Variants in ZPLD1 observed in about 807,000 individuals in gnomAD.
ZPLD1 encodes the protein zona pellucida like domain containing 1, also known as zona pellucida-like domain-containing protein 1.
In ZPLD1, 34 loss-of-function variants were observed where a neutral mutation model predicts 47.2. That is an observed-to-expected ratio of 0.72 (90% confidence interval 0.55 to 0.96). The LOEUF (loss-of-function observed/expected upper bound fraction) is 0.96. Among genes scored for constraint, ZPLD1 ranks in the 40% least tolerant of loss-of-function variants. ZPLD1 has a pLI of 0.00. For missense variants in ZPLD1, 512 were observed against 505.8 expected (o/e 1.01, Z -0.12); for synonymous variants, 176 against 186.2 (o/e 0.95, Z 0.45).
intron 3 of ZPLD1, among the ~76,000 whole-genome samples, chr3:102,451,193 T>A (rs1171205186): frequency 1.3e-5 from 2 of 152,188 alleles, no homozygotes; most frequent in Non-Finnish European, 2.9e-5. Flanking sequence ...AAACCCAGTA[T>A]GTATATAGAA....
chr3:102,425,240 G>A (rs546010229), intron 8 of ZPLD1, among the ~76,000 whole-genome samples: 55 of 152,058 alleles, frequency 3.6e-4, no homozygotes, highest in Non-Finnish European at 7.5e-4. Flanking sequence ...ATTTCTGGGT[G>A]ACATCTTTTG....
intron 8 of ZPLD1, among the ~76,000 whole-genome samples, 200 bp downstream of exon 8, chr3:102,464,451 C>T (rs1707562354): frequency 6.6e-6 from 1 of 152,094 alleles, no homozygotes; most frequent in Non-Finnish European, 1.5e-5. Context: ...GCTGATAAGG[C>T]TATTGTTGAA....
chr3:102,399,385 A>T (rs1337085171), intron 7 of ZPLD1, among the ~76,000 whole-genome samples: 1 of 152,062 alleles, frequency 6.6e-6, no homozygotes, highest in Non-Finnish European at 1.5e-5. Flanking sequence ...CACTTCAGTC[A>T]TGGGTGGCCT....
upstream of ZPLD1, among the ~76,000 whole-genome samples, chr3:102,430,091 T>TAGCC (rs1706999212): frequency 2.0e-5 from 3 of 152,220 alleles, no homozygotes; most frequent in Non-Finnish European, 4.4e-5. Flanking sequence ...AGAAAAGGTG[T>TAGCC]AGCCCGGCCC....
At chr3:102,406,032 T>C (rs1706681109) in intron 7 of ZPLD1, among the ~76,000 whole-genome samples, 2 of 152,124 alleles carry the variant, frequency 1.3e-5, no homozygotes, top group South Asian at 2.1e-4. Context: ...TCTTTGGAAA[T>C]GTAAGTCTGT....
intron 3 of ZPLD1, among the ~76,000 whole-genome samples, chr3:102,445,458 C>T (rs535950768): frequency 4.6e-5 from 7 of 152,168 alleles, no homozygotes; most frequent in Non-Finnish European, 8.8e-5. Flanking sequence ...CTTAAACTCA[C>T]CAGGTGAAAT....
chr3:102,470,450 G>T lies in ZPLD1; in HGVS notation c.990G>T (p.Gln330His), dbSNP rs1707663072. The T allele has an allele frequency of 6.2e-7, 1 of 1,614,036 alleles. No individual in the cohort carries two copies. Among genetic ancestry groups the T allele is most frequent in the Non-Finnish European group, 8.5e-7 (1 of 1,180,004 alleles). The change falls in exon 10 of 12, where the codon CAG becomes CAT. Residue 330 changes from glutamine (Q) to histidine (H), a missense_variant. By Grantham distance (24) the Gln-to-His change is conservative. Transcript: ENST00000466937. The part of the protein sequence containing the change: ...DAGRRTTWSP[Q>H]SSSGSAVLSA... ...GGAGGAGGACGACTTGGAGCCCCCA[G>T]AGCTCTTCTGGCAGCGCGGTGCTCT...
intron 6 of ZPLD1, among the ~76,000 whole-genome samples, chr3:102,389,266 C>A (rs2107282879): frequency 6.6e-6 from 1 of 152,248 alleles, no homozygotes; most frequent in East Asian, 1.9e-4. Flanking sequence ...GTGAAATTTT[C>A]AGAGGCAAAA....
rs140381191 is a variant in ZPLD1 at position 102,441,941 on chromosome 3, C to A, written c.106+3348C>A. Reference sequence around the variant, plus strand: ...TAATTTTGCAATTTGGAGCAAGGCTCACATCAAAATTAGGCTCCTACCCTA... The same window carrying A: ...TAATTTTGCAATTTGGAGCAAGGCTAACATCAAAATTAGGCTCCTACCCTA... On this transcript the variant is annotated intron_variant, in intron 3 of 11. Coordinates refer to ENST00000466937, the MANE Select transcript of ZPLD1 (RefSeq NM_001329788.2). 3.2e-4 allele frequency among the ~76,000 whole-genome samples: 48 copies of A among 152,132 alleles called. No homozygotes were observed. In the East Asian group the frequency reaches 8.3e-3, roughly 26 times the overall value.
In ZPLD1 at chr3:102,451,978, A is replaced by G. The variant is rs1036197072; in HGVS notation, c.107-941A>G. Among the ~76,000 whole-genome samples, 3 of 152,086 alleles carry G rather than the reference A, an allele frequency of 2.0e-5. No individual in the cohort carries two copies. In the East Asian group the frequency reaches 5.8e-4, roughly 29 times the overall value. ...TCTTTTTTTGGGGGGACATAATTCAACCTATAGCAATTACCAAAACTGATG... is the reference window on the plus strand; with the variant it reads ...TCTTTTTTTGGGGGGACATAATTCAGCCTATAGCAATTACCAAAACTGATG... On this transcript the variant is annotated intron_variant, in intron 3 of 11. Transcript: ENST00000466937.
At chr3:102,461,952 G>T (rs1707512761) in intron 6 of ZPLD1, among the ~76,000 whole-genome samples, 1 of 151,932 alleles carries the variant, frequency 6.6e-6, no homozygotes, top group African/African-American at 2.4e-5. Context: ...ATTAATTTAA[G>T]TAAACTAAAT....
intron 3 of ZPLD1, among the ~76,000 whole-genome samples, chr3:102,439,733 C>T (rs925003087): frequency 6.6e-6 from 1 of 152,032 alleles, no homozygotes; most frequent in African/African-American, 2.4e-5. Context: ...AAAATAAATG[C>T]ATTATTCATG....
intron 7 of ZPLD1, among the ~76,000 whole-genome samples, chr3:102,394,452 G>A (rs1706534889): frequency 6.6e-6 from 1 of 152,040 alleles, no homozygotes; most frequent in African/African-American, 2.4e-5. Context: ...ATACTTAAAT[G>A]TCCTGGCTTT....
intron 3 of ZPLD1, among the ~76,000 whole-genome samples, chr3:102,445,421 T>C (rs1307754334): frequency 6.6e-6 from 1 of 152,162 alleles, no homozygotes; most frequent in Non-Finnish European, 1.5e-5. Context: ...AGCATGTAAA[T>C]CAGACAAATA....
chr3:102,390,962 C>A (rs1297189032), intron 6 of ZPLD1, among the ~76,000 whole-genome samples: 1 of 152,042 alleles, frequency 6.6e-6, no homozygotes, highest in African/African-American at 2.4e-5. Context: ...GAAAAGGACC[C>A]CATGTCCTTT....
At chr3:102,399,292 C>A (rs760894298) in intron 7 of ZPLD1, among the ~76,000 whole-genome samples, 2 of 152,108 alleles carry the variant, frequency 1.3e-5, no homozygotes, top group Non-Finnish European at 2.9e-5. Context: ...CAATGTCATT[C>A]TTTGCCACAA....
At chr3:102,395,899 A>G (rs2107287825) in intron 7 of ZPLD1, among the ~76,000 whole-genome samples, 1 of 152,258 alleles carries the variant, frequency 6.6e-6, no homozygotes, top group Non-Finnish European at 1.5e-5. Flanking sequence ...TTACAGTCAA[A>G]GTTTAATGAT....
At chr3:102,412,452 G>C (rs1706756401) in intron 7 of ZPLD1, among the ~76,000 whole-genome samples, 1 of 151,512 alleles carries the variant, frequency 6.6e-6, no homozygotes, top group Non-Finnish European at 1.5e-5. Context: ...CTAGCTGTAG[G>C]GTATTTAGAA....
chr3:102,439,770 G>T (rs979723713), intron 3 of ZPLD1, among the ~76,000 whole-genome samples: 3 of 152,120 alleles, frequency 2.0e-5, no homozygotes, highest in Admixed American at 6.6e-5. Context: ...TGATGGAAAA[G>T]AACTTAAAAA....
Sources: gnomAD v4.1 joint callset for allele counts (sites outside exome capture counted in the v4.1 genomes callset) on GRCh38, gnomAD v4.1.1 for gene constraint, MANE v1.5 for transcripts, NCBI Gene and HGNC (gene_info 2026-07-23, HGNC 2026-07-21) for gene names.